The following CHMP3 variants were observed in gnomAD, a reference collection of about 807,000 sequenced individuals.
CHMP3 encodes 25.1 protein.
In CHMP3, 8 loss-of-function variants were observed where a neutral mutation model predicts 27.4. The ratio of observed to expected loss-of-function variants is 0.29; its 90% CI spans 0.17 to 0.53. The LOEUF is 0.53. CHMP3 is among the 20% of genes least tolerant of loss of function. The pLI, the probability that CHMP3 is intolerant of heterozygous loss-of-function variation, is 0.96. For missense variants in CHMP3, 208 were observed against 271.5 expected (o/e 0.77, Z 1.64); for synonymous variants, 86 against 85.5 (o/e 1.01, Z -0.03).
At chr2:86,539,054 G>T (rs1181110747) in intron 2 of CHMP3, among the ~76,000 whole-genome samples, 1 of 152,008 alleles carries the variant, frequency 6.6e-6, no homozygotes, top group Non-Finnish European at 1.5e-5. Flanking sequence ...TGACTTCTGA[G>T]AACATAAATT....
At chr2:86,522,188 A>G (rs915795769) in intron 3 of CHMP3, among the ~76,000 whole-genome samples, 1 of 152,220 alleles carries the variant, frequency 6.6e-6, no homozygotes, top group Non-Finnish European at 1.5e-5. Flanking sequence ...ACATCTTAAG[A>G]AAGAGGAATG....
At chr2:86,545,413 C>T (rs1276807245) in intron 1 of CHMP3, among the ~76,000 whole-genome samples, 1 of 139,062 alleles carries the variant, frequency 7.2e-6, no homozygotes, top group Admixed American at 7.1e-5. Context: ...CCCCACTTCC[C>T]AGACGGGGTG....
intron 2 of CHMP3, among the ~76,000 whole-genome samples, chr2:86,537,956 A>G (rs11127046): frequency 0.39 from 59,437 of 152,148 alleles, 13,595 homozygotes; most frequent in East Asian, 0.75. Context: ...AGCAAAACAG[A>G]TATCTGTACA....
chr2:86,541,047 G>A (rs61547860), intron 2 of CHMP3: 29,519 of 151,874 alleles, frequency 0.19, 3,739 homozygotes, highest in African/African-American at 0.35. Flanking sequence ...CAAATCAGCC[G>A]TGAAGTCTTT....
At chr2:86,518,441 C>T (rs1484668511) in intron 3 of CHMP3, among the ~76,000 whole-genome samples, 5 of 151,726 alleles carry the variant, frequency 3.3e-5, no homozygotes, top group Admixed American at 2.0e-4. Context: ...TTTAAAGTCA[C>T]GTTTATTTAT....
chr2:86,557,111 A>G (rs1218139641), intron 1 of CHMP3, among the ~76,000 whole-genome samples: 5 of 152,158 alleles, frequency 3.3e-5, no homozygotes, highest in Non-Finnish European at 7.3e-5. Context: ...CTCATCTCTT[A>G]AATTCTGTCC....
At chr2:86,506,094 C>G (rs1252639792) in intron 5 of CHMP3, 145 bp from the exon 6 acceptor site, 1 of 963,152 alleles carries the variant, frequency 1.0e-6, no homozygotes. Flanking sequence ...TTTACTCACT[C>G]TGGGAAATGT....
intron 1 of CHMP3, among the ~76,000 whole-genome samples, chr2:86,558,568 G>A (rs776240448): frequency 3.3e-5 from 5 of 152,188 alleles, no homozygotes; most frequent in South Asian, 2.1e-4. Flanking sequence ...TTACTTGCCC[G>A]AATTGACCTG....
At chr2:86,549,635 CG>C (rs1676793815) in intron 1 of CHMP3, among the ~76,000 whole-genome samples, 1 of 142,128 alleles carries the variant, frequency 7.0e-6, no homozygotes, top group Non-Finnish European at 1.5e-5. Flanking sequence ...ACCTCCCAGA[CG>C]GGGCGGCCGG....
chr2:86,516,898 AG>A (rs1444550064), intron 3 of CHMP3, among the ~76,000 whole-genome samples: 1 of 152,212 alleles, frequency 6.6e-6, no homozygotes. Context: ...TGGCTATACA[AG>A]GGCAACATGA....
In CHMP3 at chr2:86,505,607, TA is replaced by T; in HGVS notation, c.*196del. 4.7e-6 allele frequency: 3 copies of T among 636,204 alleles called. No individual in the cohort carries two copies. Among genetic ancestry groups the T allele is most frequent in the Non-Finnish European group, 7.1e-6 (3 of 425,402 alleles). 39.4% of individuals were successfully genotyped at this position (636,204 alleles called of 1,614,324 possible). A position where few individuals can be genotyped will look rare whatever the true frequency, so the allele number is the denominator to read the frequency against. On this transcript the variant is annotated 3_prime_UTR_variant, in exon 6 of 6. Coordinates refer to ENST00000263856, the MANE Select transcript of CHMP3 (RefSeq NM_016079.4). The stretch of plus-strand genomic sequence containing the variant: ...AATAAGATATATCTGTCTATACTCC[TA>T]AAAATGATGCATTTATTTATGCCAC...
At chr2:86,545,018 C>T (rs1394453750) in intron 1 of CHMP3, among the ~76,000 whole-genome samples, 1 of 109,298 alleles carries the variant, frequency 9.1e-6, no homozygotes, top group Non-Finnish European at 2.0e-5. Context: ...AGGCGCTCCT[C>T]ACCTCCCGGA....
intron 1 of CHMP3, among the ~76,000 whole-genome samples, chr2:86,549,220 C>CGGGGCG (rs1558659978): frequency 5.1e-4 from 66 of 128,360 alleles, no homozygotes; most frequent in African/African-American, 2.0e-3. Flanking sequence ...GCCTCCCAGA[C>CGGGGCG]AGGGCGGCCG....
chr2:86,532,254 C>T (rs557471970), intron 2 of CHMP3, among the ~76,000 whole-genome samples: 1 of 152,118 alleles, frequency 6.6e-6, no homozygotes, highest in Admixed American at 6.5e-5. Context: ...GATTGTCCAT[C>T]GTTAATATAG....
chr2:86,513,146 G>A lies in CHMP3; in HGVS notation c.287-2667C>T, dbSNP rs6707336. Among the ~76,000 whole-genome samples the A allele has an allele frequency of 5.5e-3, 831 of 152,290 alleles. 10 individuals carry two copies. The highest frequency in any genetic ancestry group is 0.018 in the African/African-American group (758 of 41,546). On this transcript the variant is annotated intron_variant, in intron 3 of 5. Transcript: ENST00000263856. Reference sequence around the variant, plus strand: ...GGTGTACGGATAAACAAACTGGTACGTCCAGACAATGGAATATTATCCAGT... The same window carrying A: ...GGTGTACGGATAAACAAACTGGTACATCCAGACAATGGAATATTATCCAGT...
intron 3 of CHMP3, among the ~76,000 whole-genome samples, chr2:86,520,354 AT>A (rs2104756987): frequency 6.6e-6 from 1 of 152,280 alleles, no homozygotes; most frequent in East Asian, 1.9e-4. Flanking sequence ...AAGCAGGCAC[AT>A]CTCCACTGGC....
intron 4 of CHMP3, among the ~76,000 whole-genome samples, chr2:86,509,206 A>G (rs984492999): frequency 2.0e-5 from 3 of 152,222 alleles, no homozygotes; most frequent in Non-Finnish European, 4.4e-5. Flanking sequence ...CTTCCCTCTC[A>G]GATCCTGGTG....
At chr2:86,521,465 A>T (rs375102702) in intron 3 of CHMP3, among the ~76,000 whole-genome samples, 7 of 152,330 alleles carry the variant, frequency 4.6e-5, no homozygotes, top group Non-Finnish European at 1.0e-4. Context: ...ATCCATTTTT[A>T]AGTATATAGT....
chr2:86,554,814 C>T (rs868020934), intron 1 of CHMP3, among the ~76,000 whole-genome samples: 315 of 138,086 alleles, frequency 2.3e-3, no homozygotes, highest in Admixed American at 3.3e-3. Flanking sequence ...TGTGTGTGCG[C>T]GCGTGTGTGT....
Sources: gnomAD v4.1 joint callset for allele counts (sites outside exome capture counted in the v4.1 genomes callset) on GRCh38, gnomAD v4.1.1 for gene constraint, MANE v1.5 for transcripts, NCBI Gene and HGNC (gene_info 2026-07-23, HGNC 2026-07-21) for gene names.